The following ROBO2 variants were observed in gnomAD, a reference collection of about 807,000 sequenced individuals.
The protein encoded by ROBO2 is roundabout guidance receptor 2, also known as roundabout homolog 2.
ROBO2 carries 53 observed loss-of-function variants against 160.8 expected under a neutral mutation model. That is an observed-to-expected ratio of 0.33 (90% CI 0.26 to 0.41). The LOEUF (loss-of-function observed/expected upper bound fraction) is 0.41. Among genes scored for constraint, ROBO2 ranks in the 10% least tolerant of loss-of-function variants. The pLI is 1.00. For missense variants in ROBO2, 1,577 were observed against 1,722.4 expected, an observed-to-expected ratio of 0.92 and a Z score of 1.49; for synonymous variants, 664 against 611.7, an observed-to-expected ratio of 1.09 and a Z score of -1.26.
chr3:76,310,805 C>G (rs2071544485), intron 2 of ROBO2, among the ~76,000 whole-genome samples: 1 of 152,138 alleles, frequency 6.6e-6, no homozygotes, highest in African/African-American at 2.4e-5. Context: ...GCACTACCCA[C>G]CCAAGTGGCG....
intron 2 of ROBO2, among the ~76,000 whole-genome samples, chr3:77,262,514 C>T (rs1169852919): frequency 6.6e-6 from 1 of 152,062 alleles, no homozygotes; most frequent in East Asian, 1.9e-4. Flanking sequence ...CTTAGCTATA[C>T]ATCCTTGTAA....
chr3:76,668,408 C>T (rs1355187176), intron 2 of ROBO2, among the ~76,000 whole-genome samples: 1 of 152,056 alleles, frequency 6.6e-6, no homozygotes, highest in African/African-American at 2.4e-5. Flanking sequence ...CCTTAAATAC[C>T]ATTAGAGGCC....
At chr3:77,130,958 A>T (rs1263149259) in intron 2 of ROBO2, among the ~76,000 whole-genome samples, 6 of 151,806 alleles carry the variant, frequency 4.0e-5, no homozygotes, top group Admixed American at 6.6e-5. Context: ...TGGAAGTGAA[A>T]TTTTTTTATT....
intron 2 of ROBO2, among the ~76,000 whole-genome samples, chr3:76,331,994 AT>A (rs2073525602): frequency 1.3e-5 from 2 of 152,234 alleles, no homozygotes; most frequent in Admixed American, 1.3e-4. Flanking sequence ...TAATATATGG[AT>A]TATTTAAACT....
intron 2 of ROBO2, among the ~76,000 whole-genome samples, chr3:76,447,741 A>G (rs1275685169): frequency 4.0e-5 from 6 of 151,832 alleles, no homozygotes; most frequent in Non-Finnish European, 7.4e-5. Context: ...TGTCCTTTGT[A>G]GGGACATGGA....
chr3:76,749,720 A>G (rs187307769), intron 2 of ROBO2, among the ~76,000 whole-genome samples: 1,593 of 152,200 alleles, frequency 0.01, 18 homozygotes, highest in Non-Finnish European at 0.016. Flanking sequence ...TGTATTTTCT[A>G]CTATGGACAA....
At chr3:77,314,763 G>T (rs114037567) in intron 2 of ROBO2, among the ~76,000 whole-genome samples, 3 of 152,000 alleles carry the variant, frequency 2.0e-5, no homozygotes, top group African/African-American at 7.3e-5. Flanking sequence ...AGGATGGGAG[G>T]GCAGACAGAG....
At chr3:76,591,911 A>G (rs1397989290) in intron 2 of ROBO2, among the ~76,000 whole-genome samples, 1 of 152,114 alleles carries the variant, frequency 6.6e-6, no homozygotes, top group Non-Finnish European at 1.5e-5. Context: ...AGGCCATGTA[A>G]TATGAGGATT....
intron 2 of ROBO2, among the ~76,000 whole-genome samples, chr3:76,043,646 AC>A (rs2067354286): frequency 6.9e-6 from 1 of 144,710 alleles, no homozygotes; most frequent in Non-Finnish European, 1.5e-5. Flanking sequence ...AAAAAAAAAA[AC>A]CACACCAAAA....
chr3:77,168,746 G>A (rs1436922361), intron 2 of ROBO2, among the ~76,000 whole-genome samples: 4 of 152,138 alleles, frequency 2.6e-5, no homozygotes, highest in African/African-American at 7.2e-5. Context: ...AGGATCGAAG[G>A]AACATGTTGG....
rs189595923 is a variant in ROBO2 at position 77,216,353 on chromosome 3, G to A, written c.388+118013G>A. ...CTGTGCTAGCAATGAGCAAGACTCCGTGGGCATAGGACCCTCTGAGCCAGG... is the reference window on the plus strand; with the variant it reads ...CTGTGCTAGCAATGAGCAAGACTCCATGGGCATAGGACCCTCTGAGCCAGG... On this transcript the variant is annotated intron_variant, in intron 2 of 25. Transcript: ENST00000461745. 4.9e-4 allele frequency among the ~76,000 whole-genome samples: 75 copies of A among 152,230 alleles called. No homozygotes were observed. In the East Asian group the frequency reaches 0.012, roughly 24 times the overall value.
rs56827523 is a variant in ROBO2, at chr3:77,583,152, C to CAAAA, written c.2500+3053_2500+3056dup. 6.1e-4 allele frequency among the ~76,000 whole-genome samples: 33 copies of CAAAA among 53,676 alleles called. 1 individual carries two copies. The highest frequency in any genetic ancestry group is 2.2e-3 in the African/African-American group (23 of 10,684). The allele number at this position is 53,676 out of a possible 152,430, so 35.2% of individuals were successfully genotyped here. On this transcript the variant is annotated intron_variant, in intron 16 of 25. Transcript: ENST00000461745. ...GTCACTGAGCGAGACTCTGTCTCTC[C>CAAAA]AAAAAAAAAAAAAAAAAAAAAAGGA...
chr3:77,276,300 G>A (rs973425204), intron 2 of ROBO2, among the ~76,000 whole-genome samples: 1 of 151,832 alleles, frequency 6.6e-6, no homozygotes, highest in African/African-American at 2.4e-5. Flanking sequence ...CCCCTTAAAG[G>A]AGTCTTTTCA....
At chr3:76,566,060 C>A (rs1164322882) in intron 2 of ROBO2, among the ~76,000 whole-genome samples, 1 of 152,184 alleles carries the variant, frequency 6.6e-6, no homozygotes, top group African/African-American at 2.4e-5. Context: ...TTCTCCAGAA[C>A]ACATAGCTTC....
At chr3:77,133,197 A>G (rs970627732) in intron 2 of ROBO2, among the ~76,000 whole-genome samples, 2 of 152,212 alleles carry the variant, frequency 1.3e-5, no homozygotes, top group African/African-American at 4.8e-5. Flanking sequence ...AAAAGCTGTT[A>G]GAGATTTGAA....
At chr3:76,737,947 T>G (rs2093740616) in intron 2 of ROBO2, among the ~76,000 whole-genome samples, 2 of 152,024 alleles carry the variant, frequency 1.3e-5, no homozygotes. Flanking sequence ...AAGACCAGCC[T>G]GGGTGGGAGA....
chr3:76,326,874 GT>G (rs1417160553), intron 2 of ROBO2, among the ~76,000 whole-genome samples: 1 of 148,798 alleles, frequency 6.7e-6, no homozygotes, highest in East Asian at 2.0e-4. Context: ...GCGGTGTTTG[GT>G]TTTTTGTTCT....
chr3:76,683,125 A>T lies in ROBO2; in HGVS notation c.110-414889A>T, dbSNP rs182361474. ...TAGGTCTCATGTATTTTACAAGGAA[A>T]AGGAGCAACAGAGTAATTGTGGCAT... On this transcript the variant is annotated intron_variant, in intron 2 of 26. Transcript: ENST00000487694. Among the ~76,000 whole-genome samples the T allele has an allele frequency of 7.2e-5, 11 of 152,260 alleles. No individual in the cohort carries two copies. In the East Asian group the frequency reaches 1.7e-3, roughly 24 times the overall value.
At chr3:77,579,852 G>A in intron 15 of ROBO2, 95 bp from the exon 17 acceptor site, 1 of 1,155,292 alleles carries the variant, frequency 8.7e-7, no homozygotes. Flanking sequence ...AAGATAGACA[G>A]GTTATGATTA....
Sources: allele counts gnomAD v4.1 joint callset (sites outside exome capture counted in the v4.1 genomes callset), GRCh38; gene constraint gnomAD v4.1.1; transcripts MANE v1.5; gene names NCBI Gene and HGNC (gene_info 2026-07-23, HGNC 2026-07-21).